TMBIM6: variants seen among roughly 807,000 people sequenced by gnomAD.
The protein encoded by TMBIM6 is bax inhibitor 1.
A neutral mutation model predicts 31.4 loss-of-function variants in TMBIM6; 13 were observed. The ratio of observed to expected loss-of-function variants is 0.41; its 90% CI spans 0.27 to 0.66. The LOEUF is 0.66. Among genes scored for constraint, TMBIM6 ranks in the 30% least tolerant of loss-of-function variants. The probability of loss-of-function intolerance (pLI) is 0.28; values close to 1 mark genes in which losing one functional copy is unlikely to be tolerated. For synonymous variants in TMBIM6, 85 were observed against 101.7 expected, an observed-to-expected ratio of 0.84 and a Z score of 0.99; for missense variants, 275 against 289.5, an observed-to-expected ratio of 0.95 and a Z score of 0.36.
rs1462955266 is a variant in TMBIM6, at chr12:49,764,725, A to C, written c.*1829A>C. ...GACAAGATATTAAAAAAAAAAAAGAAAGAAAAAAAAAAAAACACCTACTTT... is the reference window on the plus strand; with the variant it reads ...GACAAGATATTAAAAAAAAAAAAGACAGAAAAAAAAAAAAACACCTACTTT... On this transcript the variant is annotated 3_prime_UTR_variant, in exon 10 of 10. Coordinates refer to ENST00000267115, the MANE Select transcript of TMBIM6 (RefSeq NM_003217.3). The C allele has an allele frequency of 7.6e-6, 1 of 131,046 alleles. No individual in the cohort carries two copies. The highest frequency in any genetic ancestry group is 7.3e-5 in the Admixed American group (1 of 13,680). 8.1% of individuals were successfully genotyped at this position (131,046 alleles called of 1,614,324 possible).
At chr12:49,745,734 A>AC (rs746636711) in intron 1 of TMBIM6, among the ~76,000 whole-genome samples, 14,383 of 151,514 alleles carry the variant, frequency 0.095, 1,029 homozygotes, top group African/African-American at 0.18. Context: ...CAAAAAAAAA[A>AC]ACCCAGCACA....
At position 49,758,250 on chromosome 12, in the gene TMBIM6, G is replaced by A. The variant is rs369872998; in HGVS notation, c.310G>A (p.Glu104Lys). ...LTGVGLGPAL[E>K]FCIAVNPSIL... ...AGGAGTTGGCCTGGGCCCTGCCCTG[G>A]AGTTTTGTATTGCTGTCAACCCCAG... The change falls in exon 5 of 10, where the codon GAG becomes AAG. Residue 104 changes from glutamate (E) to lysine (K), a missense_variant. By Grantham distance (56) the Glu-to-Lys change is moderately conservative (BLOSUM62 1). Coordinates refer to ENST00000267115, the MANE Select transcript of TMBIM6 (RefSeq NM_003217.3). 1.2e-6 allele frequency: 2 copies of A among 1,614,094 alleles called. No individual in the cohort carries two copies. The highest frequency in any genetic ancestry group is 1.3e-5 in the African/African-American group (1 of 74,922).
intron 1 of TMBIM6, among the ~76,000 whole-genome samples, chr12:49,747,963 G>A (rs1945426739): frequency 6.6e-6 from 1 of 152,130 alleles, no homozygotes; most frequent in East Asian, 1.9e-4. Context: ...GAGGGCAATG[G>A]CGTGATCTCA....
At chr12:49,753,316 C>T (rs1469055809) in intron 3 of TMBIM6, among the ~76,000 whole-genome samples, 1 of 152,202 alleles carries the variant, frequency 6.6e-6, no homozygotes, top group Non-Finnish European at 1.5e-5. Context: ...TGGTGTGCTG[C>T]TGACGTACAA....
intron 8 of TMBIM6, among the ~76,000 whole-genome samples, chr12:49,759,788 A>G (rs1945676906): frequency 6.9e-6 from 1 of 144,992 alleles, no homozygotes; most frequent in South Asian, 2.2e-4. Flanking sequence ...GCCTGGCAAC[A>G]GAGCGAGACC....
At chr12:49,759,522 A>T (rs1945672247) in intron 8 of TMBIM6, among the ~76,000 whole-genome samples, 1 of 152,128 alleles carries the variant, frequency 6.6e-6, no homozygotes, top group Admixed American at 6.5e-5. Flanking sequence ...CTGGGCTAAT[A>T]GGCCAGGTGT....
intron 7 of TMBIM6, chr12:49,758,984 G>C (rs966205560): frequency 1.6e-6 from 1 of 626,996 alleles, no homozygotes; most frequent in Admixed American, 2.9e-5. Flanking sequence ...ATTTGTGTAA[G>C]GCCAGTCTGG....
At chr12:49,746,483 A>T (rs7953412) in intron 1 of TMBIM6, among the ~76,000 whole-genome samples, 1 of 152,130 alleles carries the variant, frequency 6.6e-6, no homozygotes, top group Admixed American at 6.5e-5. Context: ...AACTCATTCT[A>T]TGTACAAAGA....
At chr12:49,755,070 G>A (rs570037811) in intron 3 of TMBIM6, among the ~76,000 whole-genome samples, 1 of 152,216 alleles carries the variant, frequency 6.6e-6, no homozygotes, top group African/African-American at 2.4e-5. Flanking sequence ...CAATTCTCTT[G>A]CCTCAGCCTC....
At chr12:49,743,845 T>C (rs894593868) in intron 1 of TMBIM6, among the ~76,000 whole-genome samples, 8 of 152,138 alleles carry the variant, frequency 5.3e-5, no homozygotes, top group Non-Finnish European at 8.8e-5. Flanking sequence ...CTGGCTCTGC[T>C]ATTTAACTTT....
chr12:49,764,222 C>G lies in TMBIM6; in HGVS notation c.*1326C>G, dbSNP rs878987790. 2.0e-5 allele frequency: 3 copies of G among 152,128 alleles called. No homozygotes were observed. Among genetic ancestry groups the G allele is most frequent in the South Asian group, 2.1e-4 (1 of 4,824 alleles). 9.4% of individuals were successfully genotyped at this position (152,128 alleles called of 1,614,324 possible). On this transcript the variant is annotated 3_prime_UTR_variant, in exon 10 of 10. Coordinates refer to ENST00000267115, the MANE Select transcript of TMBIM6 (RefSeq NM_003217.3). ...TGTGGGCTGCCACAGACAGCTACCC[C>G]CAGAAGGGTCAATGTTGGGAGTGGT...
At chr12:49,751,157 T>G (rs189456326) in intron 1 of TMBIM6, among the ~76,000 whole-genome samples, 19 of 152,300 alleles carry the variant, frequency 1.2e-4, no homozygotes, top group Middle Eastern at 3.4e-3. Context: ...AGAACTTGAC[T>G]TTATGGTGTT....
chr12:49,762,040 A>C (rs1945730002), intron 9 of TMBIM6: 2 of 466,590 alleles, frequency 4.3e-6, no homozygotes, highest in Non-Finnish European at 7.6e-6. Flanking sequence ...AACCTGCTAC[A>C]TGAATAATTT....
rs1292281007 is a variant in TMBIM6 at position 49,759,343 on chromosome 12, T to C, written c.614+22T>C. 3.1e-6 allele frequency: 5 copies of C among 1,592,416 alleles called. No homozygotes were observed. The South Asian group carries it at 3.3e-5, about 11-fold the overall frequency. ...TCTGGTGAGTGTGGGAACTAGTCTT[T>C]AACAAGCATGAAGGTTGAGGCATAC... On this transcript the variant is annotated intron_variant, in intron 8 of 9. Coordinates refer to ENST00000267115, the MANE Select transcript of TMBIM6 (RefSeq NM_003217.3).
chr12:49,744,055 T>C (rs1945347000), intron 1 of TMBIM6, among the ~76,000 whole-genome samples: 1 of 152,220 alleles, frequency 6.6e-6, no homozygotes, highest in African/African-American at 2.4e-5. Flanking sequence ...CACCAAATCC[T>C]GTCCTCTTGC....
intron 1 of TMBIM6, among the ~76,000 whole-genome samples, chr12:49,744,985 T>C (rs1375827024): frequency 6.6e-6 from 1 of 151,890 alleles, no homozygotes; most frequent in African/African-American, 2.4e-5. Context: ...GCATTTCATC[T>C]CCAGTTACTG....
chr12:49,752,426 G>T, intron 1 of TMBIM6, 38 bp from the exon 2 acceptor site: 9 of 1,332,804 alleles, frequency 6.8e-6, no homozygotes, highest in African/African-American at 1.5e-5. Context: ...GTGTGATTCT[G>T]TATGACTTAA....
At chr12:49,746,857 A>T (rs543153309) in intron 1 of TMBIM6, among the ~76,000 whole-genome samples, 1 of 152,158 alleles carries the variant, frequency 6.6e-6, no homozygotes, top group South Asian at 2.1e-4. Context: ...TTTTTTTGAG[A>T]CAGAGTCTGG....
intron 1 of TMBIM6, chr12:49,742,290 C>G (rs369287457): frequency 1.2e-4 from 185 of 1,569,928 alleles, no homozygotes; most frequent in Non-Finnish European, 1.5e-4. Flanking sequence ...GGTGAGGTGG[C>G]TTTGCTTTGC....
Sources: gnomAD v4.1 joint callset for allele counts (sites outside exome capture counted in the v4.1 genomes callset) on GRCh38, gnomAD v4.1.1 for gene constraint, MANE v1.5 for transcripts, NCBI Gene and HGNC (gene_info 2026-07-23, HGNC 2026-07-21) for gene names.